Variants in CAPS2 observed in about 807,000 individuals in gnomAD.
CAPS2 encodes calcyphosine 2, also known as calcyphosin-2.
Under a neutral mutation model 86.5 loss-of-function variants are expected in CAPS2, and 98 were observed. The ratio of observed to expected loss-of-function variants is 1.13; its 90% confidence interval spans 0.96 to 1.34. The LOEUF is 1.34. Ranked by LOEUF, CAPS2 falls within the 40% of genes most tolerant of loss-of-function variation. The pLI is 0.00. For synonymous variants in CAPS2, 210 were observed against 225.1 expected (o/e 0.93, Z 0.60); for missense variants, 729 against 686.8 (o/e 1.06, Z -0.69).
chr12:75,351,551 T>G (rs1270082664), intron 1 of CAPS2, among the ~76,000 whole-genome samples: 2 of 124,052 alleles, frequency 1.6e-5, no homozygotes, highest in African/African-American at 6.8e-5. Flanking sequence ...TTTTGTTTTG[T>G]TTTTTTTTTT....
upstream of CAPS2, among the ~76,000 whole-genome samples, chr12:75,331,848 C>A (rs1037661871): frequency 1.3e-5 from 2 of 152,106 alleles, no homozygotes; most frequent in Non-Finnish European, 2.9e-5. Flanking sequence ...CAGGCGTGAG[C>A]CACCGCGCCC....
chr12:75,286,390 T>C (rs765608836), intron 14 of CAPS2, among the ~76,000 whole-genome samples: 94 of 151,968 alleles, frequency 6.2e-4, no homozygotes, highest in Non-Finnish European at 8.7e-4. Flanking sequence ...ACCAATTTGC[T>C]CATCCAATTC....
At chr12:75,290,571 C>T (rs904965427) in intron 13 of CAPS2, among the ~76,000 whole-genome samples, 1 of 152,074 alleles carries the variant, frequency 6.6e-6, no homozygotes, top group Non-Finnish European at 1.5e-5. Context: ...TGTTTCTTGC[C>T]TTCTTACTGT....
intron 11 of CAPS2, among the ~76,000 whole-genome samples, chr12:75,296,023 G>C (rs1352307949): frequency 2.0e-5 from 3 of 152,188 alleles, no homozygotes; most frequent in Non-Finnish European, 4.4e-5. Context: ...AGAACTATGA[G>C]TGATAAAGTG....
At chr12:75,376,991 T>G (rs1593913028) in intron 1 of CAPS2, among the ~76,000 whole-genome samples, 1 of 152,252 alleles carries the variant, frequency 6.6e-6, no homozygotes, top group East Asian at 1.9e-4. Context: ...CCAACCAACT[T>G]TATTATATTC....
At chr12:75,355,790 T>C (rs1447263817) in intron 1 of CAPS2, among the ~76,000 whole-genome samples, 3 of 152,150 alleles carry the variant, frequency 2.0e-5, no homozygotes, top group Non-Finnish European at 4.4e-5. Flanking sequence ...TGGAATACTA[T>C]GCAGCCATAA....
chr12:75,328,686 C>A (rs1437997885), upstream of CAPS2, among the ~76,000 whole-genome samples: 2 of 152,184 alleles, frequency 1.3e-5, no homozygotes, highest in Non-Finnish European at 1.5e-5. Context: ...ATTCTGTCTT[C>A]AATTAGATAA....
chr12:75,301,535 A>C (rs1304859321), intron 8 of CAPS2, among the ~76,000 whole-genome samples: 1 of 152,240 alleles, frequency 6.6e-6, no homozygotes, highest in Non-Finnish European at 1.5e-5. Context: ...AGTCATTGTT[A>C]AAATCACTTT....
intron 1 of CAPS2, among the ~76,000 whole-genome samples, chr12:75,338,190 A>G (rs931676909): frequency 6.6e-6 from 1 of 152,180 alleles, no homozygotes. Flanking sequence ...GATGCAAAAA[A>G]TCTTCAACAA....
chr12:75,290,593 C>T (rs1366587010), intron 13 of CAPS2, among the ~76,000 whole-genome samples: 1 of 152,106 alleles, frequency 6.6e-6, no homozygotes, highest in East Asian at 1.9e-4. Context: ...AGCCCCTTAT[C>T]TTTAAAAGAT....
At chr12:75,320,341 G>A (rs188630931) in intron 5 of CAPS2, among the ~76,000 whole-genome samples, 19 of 152,076 alleles carry the variant, frequency 1.2e-4, no homozygotes, top group Admixed American at 5.9e-4. Context: ...CCTTCATTCC[G>A]TTTTCCCAAC....
At chr12:75,350,954 AAT>A (rs1474837473) in intron 1 of CAPS2, among the ~76,000 whole-genome samples, 1 of 152,196 alleles carries the variant, frequency 6.6e-6, no homozygotes, top group Non-Finnish European at 1.5e-5. Flanking sequence ...ACCATGATAA[AAT>A]ATTACAGGAG....
intron 7 of CAPS2, among the ~76,000 whole-genome samples, chr12:75,307,639 A>T (rs540104177): frequency 3.3e-5 from 5 of 152,354 alleles, no homozygotes; most frequent in Non-Finnish European, 7.3e-5. Flanking sequence ...TACAAATTAT[A>T]TTGTTAAATT....
intron 1 of CAPS2, chr12:75,325,552 T>C (rs2040689212): frequency 6.5e-6 from 1 of 153,104 alleles, no homozygotes; most frequent in Non-Finnish European, 1.5e-5. Context: ...AAAAAGTCTA[T>C]AACAGAGCAA....
At chr12:75,293,116 T>C (rs1305478780) in intron 12 of CAPS2, 133 bp downstream of exon 12, 2 of 612,722 alleles carry the variant, frequency 3.3e-6, no homozygotes, top group African/African-American at 1.9e-5. Flanking sequence ...AAGACATACG[T>C]AGCTATGCTT....
intron 15 of CAPS2, among the ~76,000 whole-genome samples, chr12:75,282,634 G>T (rs1031027963): frequency 4.6e-5 from 7 of 152,052 alleles, no homozygotes; most frequent in Admixed American, 3.9e-4. Flanking sequence ...TGACCCACCC[G>T]CCTCGGCCTC....
intron 1 of CAPS2, among the ~76,000 whole-genome samples, chr12:75,382,355 G>A (rs1478114071): frequency 1.3e-5 from 2 of 151,996 alleles, no homozygotes; most frequent in Non-Finnish European, 2.9e-5. Context: ...AATTTCAAGT[G>A]TAGACCAGGC....
chr12:75,306,313 A>T, intron 7 of CAPS2: 1 of 570,024 alleles, frequency 1.8e-6, no homozygotes, highest in Non-Finnish European at 3.1e-6. Context: ...GCTCTGCGGG[A>T]GGCTAATCCC....
intron 5 of CAPS2, among the ~76,000 whole-genome samples, chr12:75,319,264 C>T (rs566023880): frequency 9.2e-5 from 14 of 152,232 alleles, no homozygotes; most frequent in Admixed American, 5.2e-4. Flanking sequence ...GAAATTTAAT[C>T]CCCAATGTTG....
Sources: allele counts gnomAD v4.1 joint callset (sites outside exome capture counted in the v4.1 genomes callset), GRCh38; gene constraint gnomAD v4.1.1; transcripts MANE v1.5; gene names NCBI Gene and HGNC (gene_info 2026-07-23, HGNC 2026-07-21).